ARHGAP24: variants seen among roughly 807,000 people sequenced by gnomAD.
The protein encoded by ARHGAP24 is rho GTPase-activating protein 24.
Under a neutral mutation model 76.4 loss-of-function variants are expected in ARHGAP24, and 50 were observed. The observed-to-expected ratio is 0.65, with a 90% CI of 0.52 to 0.83. ARHGAP24 has a LOEUF of 0.83. Among genes scored for constraint, ARHGAP24 ranks in the 40% least tolerant of loss-of-function variants. The pLI is 0.00. For missense variants in ARHGAP24, 930 were observed against 914.2 expected (o/e 1.02, Z -0.22); for synonymous variants, 345 against 323.3 (o/e 1.07, Z -0.72).
intron 5 of ARHGAP24, among the ~76,000 whole-genome samples, chr4:85,959,919 C>CT (rs1458253160): frequency 1.3e-5 from 2 of 152,020 alleles, no homozygotes; most frequent in Non-Finnish European, 2.9e-5. Context: ...GATGTTCAAC[C>CT]TTTTTTTCAT....
chr4:85,782,719 A>G (rs1248660173), intron 3 of ARHGAP24, among the ~76,000 whole-genome samples: 1 of 152,180 alleles, frequency 6.6e-6, no homozygotes, highest in Non-Finnish European at 1.5e-5. Flanking sequence ...TTCAATTACA[A>G]TCTCCCAGGG....
chr4:85,738,378 TATTATTATTATTATTATTATTATTATC>T (rs1425805026), intron 3 of ARHGAP24, among the ~76,000 whole-genome samples: 3 of 88,558 alleles, frequency 3.4e-5, no homozygotes, highest in African/African-American at 7.9e-5. Flanking sequence ...TTATTATTAT[TATTATTATTATTATTATTATTATTATC>T]ATTATTATTA....
chr4:85,811,928 C>G (rs141656869), intron 3 of ARHGAP24, among the ~76,000 whole-genome samples: 40 of 152,258 alleles, frequency 2.6e-4, no homozygotes, highest in African/African-American at 9.4e-4. Context: ...CTAATCCCAG[C>G]AGGTTGGGAG....
Position 85,639,788 on chromosome 4 carries a change from C to T in ARHGAP24, c.180+69067C>T, listed in dbSNP as rs149546778. Among the ~76,000 whole-genome samples the T allele has an allele frequency of 6.9e-3, 1,047 of 151,578 alleles. 4 individuals carry two copies. The highest frequency in any genetic ancestry group is 0.01 in the Non-Finnish European group (697 of 67,934). Reference sequence around the variant, plus strand: ...TGAAAGATTTTCTAAGATTCAGCTTCTAGTACAGTTTTGTAACAGCTTCAA... The same window carrying T: ...TGAAAGATTTTCTAAGATTCAGCTTTTAGTACAGTTTTGTAACAGCTTCAA... On this transcript the variant is annotated intron_variant, in intron 2 of 9. Coordinates refer to ENST00000395184, the MANE Select transcript of ARHGAP24 (RefSeq NM_001025616.3).
intron 1 of ARHGAP24, among the ~76,000 whole-genome samples, chr4:85,484,090 C>T (rs903249327): frequency 1.3e-5 from 2 of 152,156 alleles, no homozygotes; most frequent in Admixed American, 6.5e-5. Context: ...ACTTCAATTT[C>T]GTGTAGGTTT....
At chr4:85,546,804 C>G (rs972964926) in intron 1 of ARHGAP24, among the ~76,000 whole-genome samples, 5 of 152,170 alleles carry the variant, frequency 3.3e-5, no homozygotes, top group Non-Finnish European at 7.4e-5. Context: ...TTTTCACATA[C>G]TTTTGCACTT....
chr4:85,851,924 G>A (rs1481775770), intron 3 of ARHGAP24, among the ~76,000 whole-genome samples: 1 of 152,082 alleles, frequency 6.6e-6, no homozygotes, highest in Non-Finnish European at 1.5e-5. Flanking sequence ...ACAATTATGT[G>A]TCTGGGGGTT....
intron 5 of ARHGAP24, among the ~76,000 whole-genome samples, chr4:85,952,941 G>A (rs1429744639): frequency 6.6e-6 from 1 of 152,034 alleles, no homozygotes. Context: ...AAGTTTTGAG[G>A]GGACAAAAAT....
intron 3 of ARHGAP24, among the ~76,000 whole-genome samples, chr4:85,735,269 AAAT>A: frequency 6.6e-6 from 1 of 152,284 alleles, no homozygotes; most frequent in Non-Finnish European, 1.5e-5. Context: ...TTTATAAAAA[AAAT>A]AATAATCTCT....
At chr4:85,758,547 A>G (rs994135122) in intron 3 of ARHGAP24, among the ~76,000 whole-genome samples, 10 of 152,194 alleles carry the variant, frequency 6.6e-5, no homozygotes, top group Non-Finnish European at 1.2e-4. Flanking sequence ...ATTGTCTCCT[A>G]AGGAAATTTG....
chr4:85,850,968 C>T (rs553152966), intron 3 of ARHGAP24, among the ~76,000 whole-genome samples: 2 of 152,226 alleles, frequency 1.3e-5, no homozygotes, highest in East Asian at 1.9e-4. Flanking sequence ...ATTAGGTCCC[C>T]TTGGTGCAGA....
At position 85,995,344 on chromosome 4, in the gene ARHGAP24, C is replaced by G; in HGVS notation, c.1690C>G (p.Leu564Val). Residue 564 changes from leucine (L) to valine (V), a missense_variant, in exon 9 of 10, where the codon CTC becomes GTC. Transcript: ENST00000395184. The part of the protein sequence containing the change: ...TWSTSSCEIS[L>V]PENSNSCRSS... ...GTCCACTTCCTCCTGTGAAATCTCC[C>G]TCCCTGAGAACTCCAACTCCTGTCG... The G allele has an allele frequency of 6.2e-7, 1 of 1,614,080 alleles. No homozygotes were observed. The highest frequency in any genetic ancestry group is 8.5e-7 in the Non-Finnish European group (1 of 1,180,028).
chr4:85,759,165 C>A (rs7675688), intron 3 of ARHGAP24, among the ~76,000 whole-genome samples: 11,095 of 152,058 alleles, frequency 0.073, 477 homozygotes, highest in Middle Eastern at 0.099. Flanking sequence ...TAGTTTTTCC[C>A]TATGTATCAT....
chr4:85,503,238 A>C (rs1723898928), intron 1 of ARHGAP24, among the ~76,000 whole-genome samples: 1 of 152,110 alleles, frequency 6.6e-6, no homozygotes, highest in Non-Finnish European at 1.5e-5. Flanking sequence ...TCATAAAATG[A>C]GTTAGGGAGG....
chr4:85,502,234 A>T (rs886738956), intron 1 of ARHGAP24, among the ~76,000 whole-genome samples: 1 of 152,114 alleles, frequency 6.6e-6, no homozygotes, highest in Admixed American at 6.5e-5. Context: ...ATGAACTTTA[A>T]TGTAGTTTTT....
chr4:85,657,483 A>C (rs1245021941), intron 2 of ARHGAP24, among the ~76,000 whole-genome samples: 1 of 152,158 alleles, frequency 6.6e-6, no homozygotes, highest in East Asian at 1.9e-4. Flanking sequence ...TGTGAGCTGA[A>C]ATTAACAGAA....
chr4:85,885,323 G>T (rs563345260), intron 3 of ARHGAP24, among the ~76,000 whole-genome samples: 1 of 152,146 alleles, frequency 6.6e-6, no homozygotes, highest in Non-Finnish European at 1.5e-5. Context: ...TGGAAACTTG[G>T]TGTCTATTAT....
intron 1 of ARHGAP24, among the ~76,000 whole-genome samples, chr4:85,537,924 A>G (rs1182600010): frequency 6.6e-6 from 1 of 152,148 alleles, no homozygotes; most frequent in Non-Finnish European, 1.5e-5. Context: ...ACCTTGATGG[A>G]AAGATACTTC....
At position 85,732,133 on chromosome 4, in the gene ARHGAP24, G is replaced by A. The variant is rs555295810; in HGVS notation, c.268+10161G>A. ...TCAATCTAATCAAGCTATGAAAATA[G>A]CAAAGTACTAAACAAATGTCAGCTG... On this transcript the variant is annotated intron_variant, in intron 3 of 9. Transcript: ENST00000395184. 2.0e-5 allele frequency among the ~76,000 whole-genome samples: 3 copies of A among 152,280 alleles called. No individual in the cohort carries two copies. The East Asian group carries it at 5.8e-4, about 29-fold the overall frequency.
Sources: gnomAD v4.1 joint callset for allele counts (sites outside exome capture counted in the v4.1 genomes callset) on GRCh38, gnomAD v4.1.1 for gene constraint, MANE v1.5 for transcripts, NCBI Gene and HGNC (gene_info 2026-07-23, HGNC 2026-07-21) for gene names.